CCL25: variants seen among roughly 807,000 people sequenced by gnomAD.
CCL25 encodes the protein C-C motif chemokine ligand 25.
Under a neutral mutation model 19.9 loss-of-function variants are expected in CCL25, and 14 were observed. The ratio of observed to expected loss-of-function variants is 0.70; its 90% CI spans 0.47 to 1.10. CCL25 has a LOEUF of 1.10. CCL25 is among the 50% of genes least tolerant of loss of function. The probability of loss-of-function intolerance (pLI) is 0.00; values close to 1 mark genes in which losing one functional copy is unlikely to be tolerated. For synonymous variants in CCL25, 68 were observed against 73.2 expected (o/e 0.93, Z 0.36); for missense variants, 151 against 181.2 (o/e 0.83, Z 0.96).
At chr19:8,057,983 G>C (rs980711766) in intron 5 of CCL25, 63 bp downstream of exon 5, 24 of 1,573,292 alleles carry the variant, frequency 1.5e-5, no homozygotes, top group African/African-American at 2.7e-5. Flanking sequence ...TTGAGGGCTC[G>C]TGATTGGCTC....
intron 5 of CCL25, among the ~76,000 whole-genome samples, chr19:8,061,020 C>G (rs1442994145): frequency 8.0e-6 from 1 of 125,616 alleles, no homozygotes; most frequent in African/African-American, 3.0e-5. Context: ...GAGTCTCACT[C>G]TGTCACCCAG....
chr19:8,056,599 A>G (rs2081274537), intron 4 of CCL25, 100 bp downstream of exon 4: 1 of 1,359,416 alleles, frequency 7.4e-7, no homozygotes. Flanking sequence ...AGACCAGAAT[A>G]CTGACACCTG....
upstream of CCL25, chr19:8,052,658 G>C (rs1175562027): frequency 5.3e-6 from 1 of 190,196 alleles, no homozygotes; most frequent in Non-Finnish European, 1.1e-5. Flanking sequence ...AATTCCAGAG[G>C]CTGAGAGTGC....
intron 2 of CCL25, 61 bp downstream of exon 2, chr19:8,053,183 C>T (rs1353615103): frequency 1.1e-5 from 12 of 1,062,516 alleles, no homozygotes; most frequent in African/African-American, 1.6e-5. Flanking sequence ...CACCCCACCC[C>T]TTTTGTCTCT....
chr19:8,054,073 G>A (rs1406701647), intron 2 of CCL25, among the ~76,000 whole-genome samples: 8 of 152,174 alleles, frequency 5.3e-5, no homozygotes, highest in Admixed American at 5.2e-4. Context: ...GTCGCCAAAG[G>A]ACAATTCCTG....
At chr19:8,060,406 G>A (rs1312886578) in intron 5 of CCL25, among the ~76,000 whole-genome samples, 3 of 152,090 alleles carry the variant, frequency 2.0e-5, no homozygotes, top group Non-Finnish European at 2.9e-5. Context: ...GAGATGCTTA[G>A]GTAGGCAAAG....
intron 5 of CCL25, among the ~76,000 whole-genome samples, chr19:8,059,150 T>C (rs2081299959): frequency 6.3e-5 from 1 of 15,822 alleles, no homozygotes; most frequent in African/African-American, 1.9e-4. Flanking sequence ...ATATAATATA[T>C]AATATATATA....
In CCL25 at chr19:8,061,425, G is replaced by A. The variant is rs141873772; in HGVS notation, c.446-793G>A. The stretch of plus-strand genomic sequence containing the variant: ...CTCCCAAAGTTCTGGGATGACAGGC[G>A]TGAGCCACCATGCCCAGCCAACCAG... On this transcript the variant is annotated intron_variant, in intron 5 of 5. Transcript: ENST00000315626. 4.8e-4 allele frequency among the ~76,000 whole-genome samples: 73 copies of A among 152,250 alleles called. 1 individual carries two copies. The East Asian group carries it at 6.6e-3, about 14-fold the overall frequency.
intron 4 of CCL25, among the ~76,000 whole-genome samples, chr19:8,057,390 C>G (rs1003542940): frequency 3.3e-5 from 5 of 152,032 alleles, no homozygotes; most frequent in African/African-American, 4.8e-5. Context: ...AGTGCAGTGG[C>G]ACAATCACAT....
chr19:8,058,036 G>T, intron 5 of CCL25, 116 bp downstream of exon 5: 5 of 1,477,488 alleles, frequency 3.4e-6, no homozygotes, highest in Non-Finnish European at 4.5e-6. Context: ...AGGAGAGGTG[G>T]TTGTGCGGTC....
chr19:8,062,525 G>A lies in CCL25; in HGVS notation c.*300G>A, dbSNP rs539318043. On this transcript the variant is annotated 3_prime_UTR_variant, in exon 6 of 6. Coordinates refer to ENST00000315626, the MANE Select transcript of CCL25 (RefSeq NM_005624.4). ...CCTCTCTCACTTTCTGTTTCTTGCC[G>A]TCCACCCCGGGCCATGCCAGTGTGT... is the stretch of plus-strand genomic sequence containing the variant. 5.3e-4 allele frequency: 235 copies of A among 444,422 alleles called. No homozygotes were observed. Among genetic ancestry groups the A allele is most frequent in the African/African-American group, 4.4e-3 (224 of 50,762 alleles). The allele number at this position is 444,422 out of a possible 1,614,324, so 27.5% of individuals were successfully genotyped here. A position where few individuals can be genotyped will look rare whatever the true frequency, so the allele number is the denominator to read the frequency against.
chr19:8,059,137 AT>A lies in CCL25; in HGVS notation c.445+1219del, dbSNP rs1179844664. ...AATATATAAATATATATAAATATAT[AT>A]TATATAATATATAATATATATAATA... On this transcript the variant is annotated intron_variant, in intron 5 of 5. Coordinates refer to ENST00000315626, the MANE Select transcript of CCL25 (RefSeq NM_005624.4). 1.2e-3 allele frequency among the ~76,000 whole-genome samples: 91 copies of A among 75,852 alleles called. 2 individuals are homozygous for A. The East Asian group carries it at 0.023, about 19-fold the overall frequency. 49.8% of individuals were successfully genotyped at this position (75,852 alleles called of 152,430 possible).
chr19:8,056,802 C>T (rs187501546), intron 4 of CCL25, among the ~76,000 whole-genome samples: 1 of 152,146 alleles, frequency 6.6e-6, no homozygotes, highest in Non-Finnish European at 1.5e-5. Context: ...ACTTCAGATT[C>T]CCCAAGTAGC....
At chr19:8,055,542 G>A (rs991183628) in intron 2 of CCL25, among the ~76,000 whole-genome samples, 1 of 151,874 alleles carries the variant, frequency 6.6e-6, no homozygotes, top group Non-Finnish European at 1.5e-5. Flanking sequence ...CACCGTGTTA[G>A]CCAGGATGGT....
chr19:8,053,046 C>T lies in CCL25; in HGVS notation c.-4C>T. ...GTGCCCAGGGAGGAGGACCCGCCTG[C>T]AGCATGAACCTGTGGCTCCTGGCCT... On this transcript the variant is annotated 5_prime_UTR_variant, in exon 2 of 6. Coordinates refer to ENST00000315626, the MANE Select transcript of CCL25 (RefSeq NM_005624.4). The T allele has an allele frequency of 3.9e-6, 6 of 1,549,724 alleles. No homozygotes were observed. The highest frequency in any genetic ancestry group is 5.2e-6 in the Non-Finnish European group (6 of 1,146,438).
chr19:8,059,283 C>G (rs1298793626), intron 5 of CCL25, among the ~76,000 whole-genome samples: 1 of 148,334 alleles, frequency 6.7e-6, no homozygotes, highest in Non-Finnish European at 1.5e-5. Flanking sequence ...ACTGCAACCT[C>G]CGCCTCCAGG....
chr19:8,057,130 C>T (rs1282239393), intron 4 of CCL25, among the ~76,000 whole-genome samples: 1 of 143,112 alleles, frequency 7.0e-6, no homozygotes, highest in South Asian at 2.1e-4. Context: ...AAGCGATTCT[C>T]CCGCCTCAGC....
At chr19:8,060,553 C>T (rs923559727) in intron 5 of CCL25, among the ~76,000 whole-genome samples, 1 of 152,106 alleles carries the variant, frequency 6.6e-6, no homozygotes, top group Admixed American at 6.6e-5. Context: ...AGGTCTCACT[C>T]TCTCCGCCAG....
intron 4 of CCL25, 81 bp downstream of exon 4, chr19:8,056,580 G>C (rs1235031557): frequency 2.0e-6 from 3 of 1,514,070 alleles, no homozygotes; most frequent in Non-Finnish European, 2.7e-6. Context: ...CCCCGAGGGA[G>C]GGAATTGGAG....
Sources: gnomAD v4.1 joint callset for allele counts (sites outside exome capture counted in the v4.1 genomes callset) on GRCh38, gnomAD v4.1.1 for gene constraint, MANE v1.5 for transcripts, NCBI Gene and HGNC (gene_info 2026-07-23, HGNC 2026-07-21) for gene names.